Variants in CDKAL1 observed in about 807,000 individuals in gnomAD.
CDKAL1 encodes the protein CDKAL1 threonylcarbamoyladenosine tRNA methylthiotransferase, also known as threonylcarbamoyladenosine tRNA methylthiotransferase.
CDKAL1 carries 32 observed loss-of-function variants against 68.2 expected under a neutral mutation model. That is an observed-to-expected ratio of 0.47 (90% CI 0.35 to 0.63). The LOEUF (loss-of-function observed/expected upper bound fraction) is 0.63, where lower values mean the gene tolerates loss of function less well. Among genes scored for constraint, CDKAL1 ranks in the 30% least tolerant of loss-of-function variants. The probability of loss-of-function intolerance (pLI) is 0.00; values close to 1 mark genes in which losing one functional copy is unlikely to be tolerated. For synonymous variants in CDKAL1, 234 were observed against 244.3 expected, an observed-to-expected ratio of 0.96 and a Z score of 0.39; for missense variants, 606 against 696.7, an observed-to-expected ratio of 0.87 and a Z score of 1.47.
chr6:20,547,197 A>AT (rs141552297), intron 3 of CDKAL1, among the ~76,000 whole-genome samples: 27 of 150,626 alleles, frequency 1.8e-4, no homozygotes, highest in South Asian at 1.3e-3. Context: ...CTGTATGTAG[A>AT]TTTTTTTTTT....
At chr6:20,632,552 C>A (rs1179643903) in intron 4 of CDKAL1, among the ~76,000 whole-genome samples, 1 of 152,172 alleles carries the variant, frequency 6.6e-6, no homozygotes, top group Non-Finnish European at 1.5e-5. Context: ...CAGAGCTTAA[C>A]CCCAGCTTCT....
intron 13 of CDKAL1, among the ~76,000 whole-genome samples, chr6:21,113,961 A>AT (rs1774258668): frequency 6.6e-6 from 1 of 151,308 alleles, no homozygotes; most frequent in African/African-American, 2.4e-5. Context: ...GAAAAAAAAA[A>AT]GCTCCGGCCG....
intron 9 of CDKAL1, among the ~76,000 whole-genome samples, chr6:20,873,736 A>G (rs1760343351): frequency 6.6e-6 from 1 of 152,190 alleles, no homozygotes; most frequent in African/African-American, 2.4e-5. Flanking sequence ...TGGGTGTTTT[A>G]AAAGGCAGTG....
intron 13 of CDKAL1, among the ~76,000 whole-genome samples, chr6:21,170,763 T>C (rs1165809088): frequency 6.6e-6 from 1 of 152,208 alleles, no homozygotes; most frequent in East Asian, 1.9e-4. Flanking sequence ...AGGGAAAGCT[T>C]TGTGTAATTT....
Position 21,025,845 on chromosome 6 carries a change from C to T in CDKAL1, c.1055+25473C>T, listed in dbSNP as rs192329970. On this transcript the variant is annotated intron_variant, in intron 11 of 15. Transcript: ENST00000274695. The stretch of plus-strand genomic sequence containing the variant: ...GGTTTATATTATCGACATGGTACAA[C>T]CTTATAGGAAAAAAAGAATACAATG... Among the ~76,000 whole-genome samples the T allele has an allele frequency of 2.0e-5, 3 of 152,106 alleles. No homozygotes were observed. The East Asian group carries it at 5.8e-4, about 29-fold the overall frequency.
chr6:20,741,796 A>T (rs1314768678), intron 6 of CDKAL1, among the ~76,000 whole-genome samples: 2 of 152,066 alleles, frequency 1.3e-5, no homozygotes, highest in Non-Finnish European at 2.9e-5. Flanking sequence ...TTTGTGGTAG[A>T]ATGATTTATA....
rs548303331 is a variant in CDKAL1, at chr6:20,845,211, C to A, written c.639-864C>A. On this transcript the variant is annotated intron_variant, in intron 8 of 15. Coordinates refer to ENST00000274695, the MANE Select transcript of CDKAL1 (RefSeq NM_017774.3). The stretch of plus-strand genomic sequence containing the variant: ...GTACTATGGTCTTTTTAAAGCCTTG[C>A]TACTCATTATAGCAATCGAATCACT... 4.6e-5 allele frequency among the ~76,000 whole-genome samples: 7 copies of A among 152,188 alleles called. No individual in the cohort carries two copies. The South Asian group carries it at 1.2e-3, about 27-fold the overall frequency.
At chr6:20,954,382 T>G (rs927641624) in intron 9 of CDKAL1, among the ~76,000 whole-genome samples, 4 of 152,232 alleles carry the variant, frequency 2.6e-5, no homozygotes, top group Non-Finnish European at 4.4e-5. Context: ...ATTATAATTT[T>G]AAGACACTTT....
chr6:20,616,141 T>G (rs1432567728), intron 4 of CDKAL1, among the ~76,000 whole-genome samples: 1 of 150,884 alleles, frequency 6.6e-6, no homozygotes, highest in Non-Finnish European at 1.5e-5. Flanking sequence ...TTGATCTATA[T>G]CTCTGTTTTG....
intron 6 of CDKAL1, among the ~76,000 whole-genome samples, chr6:20,758,157 G>A (rs1774306799): frequency 6.6e-6 from 1 of 152,110 alleles, no homozygotes; most frequent in Non-Finnish European, 1.5e-5. Flanking sequence ...AGGGTTTTGA[G>A]TATTAAAATA....
intron 8 of CDKAL1, among the ~76,000 whole-genome samples, chr6:20,844,905 A>G (rs962887588): frequency 6.6e-6 from 1 of 152,198 alleles, no homozygotes; most frequent in Non-Finnish European, 1.5e-5. Context: ...GAGAAGCCAC[A>G]ATTTGTGTTT....
At chr6:21,064,954 T>C (rs1316705068) in intron 11 of CDKAL1, 94 bp from the exon 12 acceptor site, 1 of 744,962 alleles carries the variant, frequency 1.3e-6, no homozygotes. Context: ...AAAATAAATT[T>C]TAATTACCAT....
chr6:20,945,053 C>A (rs1764168952), intron 9 of CDKAL1, among the ~76,000 whole-genome samples: 1 of 121,310 alleles, frequency 8.2e-6, no homozygotes, highest in Non-Finnish European at 1.7e-5. Flanking sequence ...AGAAACAGTG[C>A]ATATGTGCAC....
At position 20,965,923 on chromosome 6, in the gene CDKAL1, G is replaced by A. The variant is rs1012903562; in HGVS notation, c.909+10338G>A. On this transcript the variant is annotated intron_variant, in intron 10 of 15. Coordinates refer to ENST00000274695, the MANE Select transcript of CDKAL1 (RefSeq NM_017774.3). Reference sequence around the variant, plus strand: ...ATGGCTAACACATAAGGCAATCCACGTAGTTTCCTTTACACTTTTCTATTC... The same window carrying A: ...ATGGCTAACACATAAGGCAATCCACATAGTTTCCTTTACACTTTTCTATTC... 5.9e-5 allele frequency among the ~76,000 whole-genome samples: 9 copies of A among 152,162 alleles called. No homozygotes were observed. In the South Asian group the frequency reaches 1.0e-3, roughly 18 times the overall value.
chr6:20,748,330 A>G (rs867008489), intron 6 of CDKAL1, among the ~76,000 whole-genome samples: 1 of 152,012 alleles, frequency 6.6e-6, no homozygotes, highest in Non-Finnish European at 1.5e-5. Context: ...CTCTAAAATA[A>G]TAATAATGAT....
chr6:20,715,577 G>T (rs1015898382), intron 5 of CDKAL1, among the ~76,000 whole-genome samples: 1 of 152,138 alleles, frequency 6.6e-6, no homozygotes, highest in Non-Finnish European at 1.5e-5. Context: ...TGCCCAGAAG[G>T]TAGATTGCTG....
intron 4 of CDKAL1, among the ~76,000 whole-genome samples, chr6:20,612,990 TACACAC>T (rs55999857): frequency 0.13 from 17,187 of 129,694 alleles, 1,125 homozygotes; most frequent in Middle Eastern, 0.17. Context: ...TTGCAATTTC[TACACAC>T]ACACACACAC....
intron 11 of CDKAL1, among the ~76,000 whole-genome samples, chr6:21,025,580 G>A (rs538362914): frequency 2.0e-5 from 3 of 152,252 alleles, no homozygotes; most frequent in African/African-American, 7.2e-5. Flanking sequence ...AATGTAATAA[G>A]TAGTGAAATG....
intron 10 of CDKAL1, among the ~76,000 whole-genome samples, chr6:20,969,972 T>TC (rs1406236733): frequency 6.6e-6 from 1 of 152,112 alleles, no homozygotes; most frequent in Admixed American, 6.6e-5. Flanking sequence ...ATTTGCTTAT[T>TC]GTTTGTCCCA....
Sources: allele counts gnomAD v4.1 joint callset (sites outside exome capture counted in the v4.1 genomes callset), GRCh38; gene constraint gnomAD v4.1.1; transcripts MANE v1.5; gene names NCBI Gene and HGNC (gene_info 2026-07-23, HGNC 2026-07-21).